Variants in SYNDIG1 observed in about 807,000 individuals in gnomAD.
SYNDIG1 encodes the protein synapse differentiation-inducing gene protein 1.
SYNDIG1 carries 9 observed loss-of-function variants against 19.4 expected under a neutral mutation model. The ratio of observed to expected loss-of-function variants is 0.46; its 90% CI spans 0.28 to 0.81. The LOEUF (loss-of-function observed/expected upper bound fraction) is 0.81, where lower values mean the gene tolerates loss of function less well. Among genes scored for constraint, SYNDIG1 ranks in the 30% least tolerant of loss-of-function variants. SYNDIG1 has a pLI of 0.12. For synonymous variants in SYNDIG1, 141 were observed against 145.9 expected (o/e 0.97, Z 0.24); for missense variants, 311 against 343.3 (o/e 0.91, Z 0.74).
intron 3 of SYNDIG1, among the ~76,000 whole-genome samples, chr20:24,624,204 C>T (rs112107607): frequency 1.4e-4 from 20 of 143,878 alleles, no homozygotes; most frequent in Middle Eastern, 3.9e-3. Context: ...TGCAATGAGC[C>T]GAGATCCTGC....
intron 2 of SYNDIG1, among the ~76,000 whole-genome samples, chr20:24,556,715 G>C (rs35191387): frequency 0.26 from 39,377 of 152,072 alleles, 5,872 homozygotes; most frequent in East Asian, 0.58. Flanking sequence ...GTAACCCGAC[G>C]TTTCTCTCTA....
At chr20:24,664,038 A>G (rs1268878250) in intron 3 of SYNDIG1, among the ~76,000 whole-genome samples, 2 of 152,120 alleles carry the variant, frequency 1.3e-5, no homozygotes, top group African/African-American at 2.4e-5. Context: ...TCCCTCCAGA[A>G]TTGTCCATAG....
At chr20:24,554,340 A>G (rs1479546302) in intron 2 of SYNDIG1, among the ~76,000 whole-genome samples, 1 of 152,176 alleles carries the variant, frequency 6.6e-6, no homozygotes, top group Non-Finnish European at 1.5e-5. Context: ...TTCCAACACT[A>G]TGTTGAATAG....
intron 3 of SYNDIG1, among the ~76,000 whole-genome samples, chr20:24,613,594 C>T (rs2147188779): frequency 6.6e-6 from 1 of 152,240 alleles, no homozygotes; most frequent in Middle Eastern, 3.4e-3. Context: ...CTTGGCACCT[C>T]CACACAGAGG....
chr20:24,491,481 G>T (rs763320476), intron 1 of SYNDIG1: 2 of 152,258 alleles, frequency 1.3e-5, no homozygotes, highest in Non-Finnish European at 2.9e-5. Flanking sequence ...ACAGCGCAGG[G>T]CCTGGCCCAG....
intron 1 of SYNDIG1, among the ~76,000 whole-genome samples, chr20:24,480,239 T>A (rs1225839779): frequency 2.6e-5 from 4 of 152,196 alleles, no homozygotes; most frequent in Non-Finnish European, 5.9e-5. Context: ...TATCTACAAG[T>A]AACTGTCAAG....
intron 3 of SYNDIG1, among the ~76,000 whole-genome samples, chr20:24,628,908 G>A (rs150708533): frequency 6.6e-6 from 1 of 152,190 alleles, no homozygotes; most frequent in African/African-American, 2.4e-5. Context: ...AAGCAAGCAG[G>A]TTTGTAGGCT....
chr20:24,612,643 A>G (rs1452814503), intron 3 of SYNDIG1, among the ~76,000 whole-genome samples: 1 of 152,254 alleles, frequency 6.6e-6, no homozygotes, highest in East Asian at 1.9e-4. Context: ...TTCTAAATAT[A>G]TCTTAACTCA....
At chr20:24,471,652 C>CT (rs2055463950) in intron 1 of SYNDIG1, among the ~76,000 whole-genome samples, 1 of 145,210 alleles carries the variant, frequency 6.9e-6, no homozygotes, top group African/African-American at 2.5e-5. Context: ...TATTTTTAAA[C>CT]TTTTTTATTA....
intron 1 of SYNDIG1, among the ~76,000 whole-genome samples, chr20:24,487,050 G>A (rs1056131987): frequency 6.6e-6 from 1 of 152,060 alleles, no homozygotes; most frequent in Admixed American, 6.5e-5. Flanking sequence ...GCCAAGGTTG[G>A]GGGGAGAGGG....
At chr20:24,587,202 G>A (rs1411221381) in intron 3 of SYNDIG1, among the ~76,000 whole-genome samples, 4 of 152,170 alleles carry the variant, frequency 2.6e-5, no homozygotes, top group South Asian at 4.1e-4. Flanking sequence ...CTTCACTATG[G>A]GCGTAGAGAG....
At chr20:24,609,644 C>T (rs189407109) in intron 3 of SYNDIG1, among the ~76,000 whole-genome samples, 24 of 152,250 alleles carry the variant, frequency 1.6e-4, no homozygotes, top group East Asian at 5.8e-4. Flanking sequence ...GCAAAACAGA[C>T]GGGCAGAGAG....
chr20:24,569,862 G>A (rs570007057), intron 2 of SYNDIG1, among the ~76,000 whole-genome samples: 37 of 152,160 alleles, frequency 2.4e-4, no homozygotes, highest in Admixed American at 5.9e-4. Context: ...AAGTTGGTGC[G>A]GTAAAGATGC....
chr20:24,634,160 A>C (rs6049824), intron 3 of SYNDIG1, among the ~76,000 whole-genome samples: 3 of 152,150 alleles, frequency 2.0e-5, no homozygotes, highest in African/African-American at 4.8e-5. Context: ...TGCCTTTATC[A>C]ATGTGTGTGT....
At chr20:24,490,782 C>G (rs1356206380) in intron 1 of SYNDIG1, among the ~76,000 whole-genome samples, 1 of 152,190 alleles carries the variant, frequency 6.6e-6, no homozygotes, top group Non-Finnish European at 1.5e-5. Context: ...AGGTGAAGCT[C>G]TGCTAGGAAC....
At chr20:24,657,459 G>A (rs2059538618) in intron 3 of SYNDIG1, among the ~76,000 whole-genome samples, 1 of 152,182 alleles carries the variant, frequency 6.6e-6, no homozygotes, top group African/African-American at 2.4e-5. Context: ...CGGTGACCTA[G>A]CCTTCCTCTG....
intron 2 of SYNDIG1, among the ~76,000 whole-genome samples, chr20:24,579,056 G>T (rs897629504): frequency 2.6e-5 from 4 of 152,308 alleles, no homozygotes; most frequent in Admixed American, 2.6e-4. Flanking sequence ...AAATGTTATA[G>T]ATTAAACATT....
chr20:24,502,666 G>A (rs773376255), intron 1 of SYNDIG1, among the ~76,000 whole-genome samples: 5 of 152,230 alleles, frequency 3.3e-5, no homozygotes, highest in Non-Finnish European at 7.3e-5. Flanking sequence ...GTCATTCCAT[G>A]GATGTCCCAT....
intron 3 of SYNDIG1, among the ~76,000 whole-genome samples, chr20:24,651,536 T>C (rs2059474423): frequency 6.6e-6 from 1 of 152,204 alleles, no homozygotes; most frequent in African/African-American, 2.4e-5. Context: ...TTCACGTATA[T>C]TTAAAACAAG....
Sources: allele counts gnomAD v4.1 joint callset (sites outside exome capture counted in the v4.1 genomes callset), GRCh38; gene constraint gnomAD v4.1.1; transcripts MANE v1.5; gene names NCBI Gene and HGNC (gene_info 2026-07-23, HGNC 2026-07-21).